The following DENND4C variants were observed in gnomAD, a reference collection of about 807,000 sequenced individuals.
DENND4C encodes DENN domain containing 4C.
A neutral mutation model predicts 203.0 loss-of-function variants in DENND4C; 108 were observed. The ratio of observed to expected loss-of-function variants is 0.53; its 90% CI spans 0.46 to 0.62. The LOEUF (loss-of-function observed/expected upper bound fraction) is 0.62, where lower values mean the gene tolerates loss of function less well. DENND4C is among the 20% of genes least tolerant of loss of function. The probability of loss-of-function intolerance (pLI) is 0.00; values close to 1 mark genes in which losing one functional copy is unlikely to be tolerated. For synonymous variants in DENND4C, 871 were observed against 792.4 expected (o/e 1.10, Z -1.67); for missense variants, 2,481 against 2,301.2 (o/e 1.08, Z -1.60).
At chr9:19,253,429 C>G (rs1417869478) in intron 1 of DENND4C, among the ~76,000 whole-genome samples, 1 of 152,152 alleles carries the variant, frequency 6.6e-6, no homozygotes, top group Non-Finnish European at 1.5e-5. Flanking sequence ...AACTAACTGC[C>G]TTGTGTTCTG....
At chr9:19,280,506 T>A (rs1833837340) in intron 2 of DENND4C, among the ~76,000 whole-genome samples, 2 of 152,132 alleles carry the variant, frequency 1.3e-5, no homozygotes, top group East Asian at 3.9e-4. Flanking sequence ...CACAGAGTAT[T>A]GGTTGCAGTG....
chr9:19,247,083 A>T (rs1825467958), intron 1 of DENND4C, among the ~76,000 whole-genome samples: 1 of 152,160 alleles, frequency 6.6e-6, no homozygotes, highest in Non-Finnish European at 1.5e-5. Context: ...CATTTGACAC[A>T]AGTGATTGAT....
At chr9:19,347,183 A>G (rs1436724279) in intron 23 of DENND4C, 97 bp downstream of exon 23, 1 of 1,238,738 alleles carries the variant, frequency 8.1e-7, no homozygotes, top group South Asian at 1.5e-5. Flanking sequence ...TTCTGTGCCC[A>G]GGCTGGAGTA....
chr9:19,256,110 C>G (rs540813647), intron 1 of DENND4C, among the ~76,000 whole-genome samples: 1 of 151,530 alleles, frequency 6.6e-6, no homozygotes, highest in East Asian at 1.9e-4. Context: ...AGACCAGATT[C>G]TTAGCCATAA....
At chr9:19,235,994 A>C (rs532076558) in intron 1 of DENND4C, among the ~76,000 whole-genome samples, 1 of 146,410 alleles carries the variant, frequency 6.8e-6, no homozygotes, top group African/African-American at 2.5e-5. Flanking sequence ...TTATGTTTTT[A>C]TTTCTTTTTT....
intron 9 of DENND4C, among the ~76,000 whole-genome samples, chr9:19,303,064 G>A (rs1838922172): frequency 1.3e-5 from 2 of 150,484 alleles, no homozygotes; most frequent in Admixed American, 6.6e-5. Flanking sequence ...TATCTAAAAT[G>A]CTTGGAAAGA....
chr9:19,347,177 G>T, intron 23 of DENND4C, 91 bp downstream of exon 23: 1 of 1,300,710 alleles, frequency 7.7e-7, no homozygotes. Flanking sequence ...AGAGATTTCT[G>T]TGCCCAGGCT....
At chr9:19,342,182 A>C (rs989669657) in intron 21 of DENND4C, among the ~76,000 whole-genome samples, 1 of 151,472 alleles carries the variant, frequency 6.6e-6, no homozygotes, top group African/African-American at 2.4e-5. Context: ...TATAGGACTC[A>C]TTAAGGCAGA....
chr9:19,275,353 C>T (rs1362443443), intron 1 of DENND4C, among the ~76,000 whole-genome samples: 3 of 143,020 alleles, frequency 2.1e-5, no homozygotes, highest in Non-Finnish European at 3.0e-5. Flanking sequence ...AGTGCAGTGG[C>T]GCAATTTGGG....
chr9:19,239,365 A>G (rs146707788), intron 1 of DENND4C, among the ~76,000 whole-genome samples: 1 of 152,040 alleles, frequency 6.6e-6, no homozygotes, highest in Non-Finnish European at 1.5e-5. Flanking sequence ...TTAGGAGACT[A>G]TTATTTAATT....
chr9:19,278,192 G>T (rs1321165963), intron 2 of DENND4C, among the ~76,000 whole-genome samples: 1 of 151,608 alleles, frequency 6.6e-6, no homozygotes, highest in Non-Finnish European at 1.5e-5. Context: ...CTGGAGTGCA[G>T]TGGCGCAATC....
chr9:19,275,690 C>T (rs530158928), intron 1 of DENND4C, among the ~76,000 whole-genome samples: 1 of 152,022 alleles, frequency 6.6e-6, no homozygotes, highest in African/African-American at 2.4e-5. Flanking sequence ...AGGCTGTTCT[C>T]GAGCTCCTGA....
chr9:19,234,648 C>T (rs551654077), intron 1 of DENND4C, among the ~76,000 whole-genome samples: 1 of 151,126 alleles, frequency 6.6e-6, no homozygotes. Context: ...CCTGCCTTAG[C>T]CCCCTAATAG....
At chr9:19,252,159 A>G (rs966958127) in intron 1 of DENND4C, among the ~76,000 whole-genome samples, 5 of 152,186 alleles carry the variant, frequency 3.3e-5, no homozygotes, top group South Asian at 2.1e-4. Context: ...CAATCATGGC[A>G]GAAGGCAAGG....
chr9:19,288,490 A>C, intron 3 of DENND4C, 106 bp from the exon 4 acceptor site: 1 of 620,644 alleles, frequency 1.6e-6, no homozygotes, highest in Non-Finnish European at 2.3e-6. Flanking sequence ...TAAACGTTTT[A>C]AATAGACTCT....
chr9:19,336,772 C>G lies in DENND4C; in HGVS notation c.2821C>G (p.His941Asp). The G allele has an allele frequency of 6.4e-7, 1 of 1,550,884 alleles. No homozygotes were observed. The highest frequency in any genetic ancestry group is 8.7e-7 in the Non-Finnish European group (1 of 1,147,018). ...TTCTAATGATGCTAACAATGGGGAG[C>G]ACACAGTCTTCGTCAGAGATTTAAT... ...DSSNDANNGE[H>D]TVFVRDLIRL... Residue 941 changes from histidine (H) to aspartate (D), a missense_variant, in exon 20 of 33, where the codon CAC becomes GAC. Around this residue, in one of 3 missense-constraint regions of DENND4C, gnomAD observed 2,289 missense variants for 2,113.3 expected, o/e 1.08. Coordinates refer to ENST00000434457, the MANE Select transcript of DENND4C (RefSeq NM_001330640.2).
rs1239581408 is a variant in DENND4C, at chr9:19,346,987, C to T, written c.4218C>T (p.Pro1406=). Residue 1406 remains proline (P), a synonymous_variant, in exon 23 of 33, where the codon CCC becomes CCT. Coordinates refer to ENST00000434457, the MANE Select transcript of DENND4C (RefSeq NM_001330640.2). ...AGCTGGATAATATACTCTCAGGGCC[C>T]AAGATAGATGTCCTGAAATCTGGTA... ...GLKLDNILSG[P]KIDVLKSGMK... 1.2e-6 allele frequency: 2 copies of T among 1,613,990 alleles called. No homozygotes were observed. The highest frequency in any genetic ancestry group is 2.2e-5 in the South Asian group (2 of 91,074).
chr9:19,364,386 A>T (rs974520759), intron 30 of DENND4C, among the ~76,000 whole-genome samples: 1 of 152,204 alleles, frequency 6.6e-6, no homozygotes, highest in Non-Finnish European at 1.5e-5. Flanking sequence ...ATATGTGGAT[A>T]CCCTTTAAAC....
At chr9:19,331,656 A>G (rs1819222017) in intron 16 of DENND4C, among the ~76,000 whole-genome samples, 1 of 152,234 alleles carries the variant, frequency 6.6e-6, no homozygotes, top group Non-Finnish European at 1.5e-5. Flanking sequence ...TCACCCATCA[A>G]AAATGAGTTC....
Sources: allele counts gnomAD v4.1 joint callset (sites outside exome capture counted in the v4.1 genomes callset), GRCh38; gene constraint gnomAD v4.1.1; regional missense constraint gnomAD v4.1.1; transcripts MANE v1.5; gene names NCBI Gene and HGNC (gene_info 2026-07-23, HGNC 2026-07-21).